Variants in LMNTD1 observed in about 807,000 individuals in gnomAD.
LMNTD1 encodes the protein lamin tail domain containing 1.
In LMNTD1, 35 loss-of-function variants were observed where a neutral mutation model predicts 50.9. That is an observed-to-expected ratio of 0.69 (90% confidence interval 0.53 to 0.91). The LOEUF is 0.91. LMNTD1 is among the 40% of genes least tolerant of loss of function. The probability of loss-of-function intolerance (pLI) is 0.00; values close to 1 mark genes in which losing one functional copy is unlikely to be tolerated. For missense variants in LMNTD1, 470 were observed against 475.5 expected (o/e 0.99, Z 0.11); for synonymous variants, 153 against 161.9 (o/e 0.94, Z 0.42).
At chr12:25,581,682 A>C (rs1945294682) in intron 1 of LMNTD1, among the ~76,000 whole-genome samples, 1 of 152,182 alleles carries the variant, frequency 6.6e-6, no homozygotes, top group Non-Finnish European at 1.5e-5. Flanking sequence ...TAGTTCTGAG[A>C]GATGCATCAT....
intron 1 of LMNTD1, among the ~76,000 whole-genome samples, chr12:25,629,571 AATGCAGAGGTC>A (rs1443264992): frequency 1.3e-5 from 2 of 152,208 alleles, no homozygotes; most frequent in African/African-American, 4.8e-5. Flanking sequence ...CCAAATCAAT[AATGCAGAGGTC>A]ATGCCTCTGG....
chr12:25,637,325 G>A (rs1167350447), intron 1 of LMNTD1, among the ~76,000 whole-genome samples: 1 of 152,046 alleles, frequency 6.6e-6, no homozygotes, highest in Non-Finnish European at 1.5e-5. Context: ...TTATAAATAT[G>A]TTCAAAGAAA....
At chr12:25,624,975 A>C (rs967938121) in intron 1 of LMNTD1, among the ~76,000 whole-genome samples, 7 of 152,188 alleles carry the variant, frequency 4.6e-5, no homozygotes, top group African/African-American at 1.7e-4. Flanking sequence ...AAAGTGAATA[A>C]TAGCATTACA....
intron 9 of LMNTD1, among the ~76,000 whole-genome samples, chr12:25,499,357 G>A (rs926941578): frequency 1.3e-5 from 2 of 152,182 alleles, no homozygotes; most frequent in South Asian, 4.1e-4. Flanking sequence ...GCCCAGCCAT[G>A]GGAGGAAATT....
chr12:25,553,955 A>G (rs1427708799), upstream of LMNTD1, among the ~76,000 whole-genome samples: 4 of 152,250 alleles, frequency 2.6e-5, no homozygotes, highest in Non-Finnish European at 5.9e-5. Flanking sequence ...GCTTTCAGAA[A>G]TAATACTAAA....
At chr12:25,552,825 A>T (rs1198251454) in intron 2 of LMNTD1, 46 bp downstream of exon 2, 1 of 1,159,918 alleles carries the variant, frequency 8.6e-7, no homozygotes, top group African/African-American at 1.5e-5. Flanking sequence ...TTCCTCCTCT[A>T]TAACTCAGCT....
At chr12:25,527,679 T>TACAC (rs1480202150) in intron 4 of LMNTD1, among the ~76,000 whole-genome samples, 60 of 19,238 alleles carry the variant, frequency 3.1e-3, no homozygotes, top group East Asian at 0.027. Context: ...TATATATATA[T>TACAC]ATACACACAC....
chr12:25,513,099 A>G (rs1678560), intron 8 of LMNTD1, among the ~76,000 whole-genome samples: 79,925 of 152,006 alleles, frequency 0.53, 22,270 homozygotes, highest in Non-Finnish European at 0.63. Context: ...TAGAATTCAG[A>G]ACATTCCCCC....
chr12:25,604,002 TGCAAACAAACAA>T (rs775869794), intron 1 of LMNTD1, among the ~76,000 whole-genome samples: 12 of 152,184 alleles, frequency 7.9e-5, no homozygotes, highest in African/African-American at 2.2e-4. Flanking sequence ...TAAAGAGCTA[TGCAAACAAACAA>T]GCAAACAAAC....
At chr12:25,591,393 T>C (rs537055741) in intron 1 of LMNTD1, among the ~76,000 whole-genome samples, 2 of 152,252 alleles carry the variant, frequency 1.3e-5, no homozygotes, top group African/African-American at 4.8e-5. Flanking sequence ...CCTGTGGTGG[T>C]GGTGGCCACA....
intron 9 of LMNTD1, among the ~76,000 whole-genome samples, chr12:25,494,348 C>G (rs1009217388): frequency 6.6e-6 from 1 of 151,334 alleles, no homozygotes; most frequent in Non-Finnish European, 1.5e-5. Flanking sequence ...ACATACATAA[C>G]TTATTTAGGA....
intron 1 of LMNTD1, among the ~76,000 whole-genome samples, chr12:25,601,462 A>C (rs938027079): frequency 2.6e-5 from 4 of 151,960 alleles, no homozygotes; most frequent in African/African-American, 9.7e-5. Flanking sequence ...TTTAAAGAGT[A>C]TATTTGGATT....
In LMNTD1 at chr12:25,495,249, C is replaced by CGCGTGTGTGT. The variant is rs1555208226; in HGVS notation, c.*22+8488_*22+8489insACACACACGC. ...TCCTGCCAAAATCATAAAGTGTGTACGTGTGTGTGTGTGTGTGTGTGTGTG... is the reference window on the plus strand; with the variant it reads ...TCCTGCCAAAATCATAAAGTGTGTACGCGTGTGTGTGTGTGTGTGTGTGTGTGTGTGTGTG... On this transcript the variant is annotated intron_variant, in intron 9 of 9. Transcript: ENST00000458174. Among the ~76,000 whole-genome samples the CGCGTGTGTGT allele has an allele frequency of 7.5e-4, 108 of 144,770 alleles. 1 individual carries two copies. The highest frequency in any genetic ancestry group is 1.2e-3 in the Admixed American group (17 of 14,396). The allele number at this position is 144,770 out of a possible 152,430, so 95.0% of individuals were successfully genotyped here.
chr12:25,491,651 A>T (rs1236955034), intron 9 of LMNTD1, among the ~76,000 whole-genome samples: 1 of 152,188 alleles, frequency 6.6e-6, no homozygotes, highest in Non-Finnish European at 1.5e-5. Context: ...TTGGTGCTGG[A>T]GGATTTGAGG....
chr12:25,606,975 G>A (rs1467370688), intron 1 of LMNTD1, among the ~76,000 whole-genome samples: 3 of 152,030 alleles, frequency 2.0e-5, no homozygotes, highest in Non-Finnish European at 1.5e-5. Context: ...ACTTTTTTTG[G>A]TTGGTAGGCT....
intron 1 of LMNTD1, among the ~76,000 whole-genome samples, chr12:25,559,742 C>A (rs941665398): frequency 1.3e-5 from 2 of 152,174 alleles, no homozygotes; most frequent in Admixed American, 6.5e-5. Flanking sequence ...GCCATTCTAA[C>A]TGGTGTGAGA....
intron 9 of LMNTD1, among the ~76,000 whole-genome samples, chr12:25,487,526 GTC>G (rs1938696944): frequency 1.4e-5 from 2 of 143,050 alleles, no homozygotes; most frequent in Non-Finnish European, 3.0e-5. Flanking sequence ...GCATATGTGT[GTC>G]TCTGCACGTG....
At chr12:25,603,981 T>C (rs1946039484) in intron 1 of LMNTD1, among the ~76,000 whole-genome samples, 1 of 152,050 alleles carries the variant, frequency 6.6e-6, no homozygotes, top group South Asian at 2.1e-4. Flanking sequence ...CAGTCTTACA[T>C]GTCAGGCTAA....
At chr12:25,558,263 T>A (rs1944122565), upstream of LMNTD1, among the ~76,000 whole-genome samples, 1 of 152,230 alleles carries the variant, frequency 6.6e-6, no homozygotes, top group Non-Finnish European at 1.5e-5. Flanking sequence ...ATTGTTTTCA[T>A]TTCAGTTTCA....
Sources: gnomAD v4.1 joint callset for allele counts (sites outside exome capture counted in the v4.1 genomes callset) on GRCh38, gnomAD v4.1.1 for gene constraint, MANE v1.5 for transcripts, NCBI Gene and HGNC (gene_info 2026-07-23, HGNC 2026-07-21) for gene names.